The following HIPK1 variants were observed in gnomAD, a reference collection of about 807,000 sequenced individuals.
HIPK1 encodes homeodomain interacting protein kinase 1.
A neutral mutation model predicts 117.1 loss-of-function variants in HIPK1; 28 were observed. The ratio of observed to expected loss-of-function variants is 0.24; its 90% confidence interval spans 0.18 to 0.33. HIPK1 has a LOEUF of 0.33. Ranked by LOEUF, HIPK1 falls within the 10% of genes least tolerant of loss-of-function variation. HIPK1 has a pLI of 1.00. For synonymous variants in HIPK1, 605 were observed against 562.5 expected, an observed-to-expected ratio of 1.08 and a Z score of -1.07; for missense variants, 1,122 against 1,475.1, an observed-to-expected ratio of 0.76 and a Z score of 3.92.
Position 113,935,653 on chromosome 1 carries a change from G to A in HIPK1, c.-2-4729G>A, listed in dbSNP as rs185181490. Among the ~76,000 whole-genome samples the A allele has an allele frequency of 7.7e-4, 117 of 152,256 alleles. 1 individual carries two copies. Among genetic ancestry groups the A allele is most frequent in the Middle Eastern group, 3.4e-3 (1 of 294 alleles). On this transcript the variant is annotated intron_variant, in intron 1 of 15. Coordinates refer to ENST00000426820, the MANE Select transcript of HIPK1 (RefSeq NM_198268.3). ...TTATACTCCCATCAGCAGTATAAGTGTTCCCTTTTCTTCACAACCTTGCCA... is the reference window on the plus strand; with the variant it reads ...TTATACTCCCATCAGCAGTATAAGTATTCCCTTTTCTTCACAACCTTGCCA...
At position 113,976,639 on chromosome 1, in the gene HIPK1, T is replaced by C. The variant is rs779735062; in HGVS notation, c.*3127T>C. ...TTAGTCTGCAAACTGGCATTTCCGA[T>C]TTTCCAGCATAAAAATCCACCTGTG... On this transcript the variant is annotated 3_prime_UTR_variant, in exon 16 of 16. Coordinates refer to ENST00000426820, the MANE Select transcript of HIPK1 (RefSeq NM_198268.3). The C allele has an allele frequency of 6.5e-6, 1 of 152,802 alleles. No individual in the cohort carries two copies. Among genetic ancestry groups the C allele is most frequent in the Non-Finnish European group, 1.5e-5 (1 of 68,068 alleles). 9.5% of individuals were successfully genotyped at this position (152,802 alleles called of 1,614,324 possible).
At chr1:113,969,646 A>G (rs1272413874) in intron 13 of HIPK1, among the ~76,000 whole-genome samples, 5 of 152,230 alleles carry the variant, frequency 3.3e-5, no homozygotes, top group Non-Finnish European at 7.3e-5. Context: ...ATGGTGGCTC[A>G]TGCCTGCAAT....
chr1:113,940,208 T>C (rs982919168), intron 1 of HIPK1, among the ~76,000 whole-genome samples, 174 bp from the exon 2 acceptor site: 11 of 152,224 alleles, frequency 7.2e-5, no homozygotes, highest in Non-Finnish European at 1.3e-4. Context: ...GCACGTTCTG[T>C]ACACTGTTTC....
intron 1 of HIPK1, among the ~76,000 whole-genome samples, chr1:113,939,214 G>C (rs1670477360): frequency 6.6e-6 from 1 of 151,808 alleles, no homozygotes; most frequent in South Asian, 2.1e-4. Flanking sequence ...GAGTGCAGTG[G>C]CACGATCACA....
chr1:113,952,856 G>A lies in HIPK1; in HGVS notation c.1167G>A (p.Trp389Ter). Residue 389 changes from tryptophan to a stop codon, truncating the protein, a stop_gained, in exon 3 of 16, where the codon TGG becomes TGA. Transcript: ENST00000426820. LOFTEE classifies it high-confidence loss of function. Reference protein sequence around the residue: ...GCVIAELFLGWPLYPGASEYD... With the variant: ...GCVIAELFLG ...TGATAGCTGAGCTGTTCCTGGGATG[G>A]CCTCTTTATCCTGGTGCTTCAGAAT... The A allele has an allele frequency of 6.5e-7, 1 of 1,544,158 alleles. No individual in the cohort carries two copies.
intron 11 of HIPK1, among the ~76,000 whole-genome samples, chr1:113,966,717 A>G (rs1356796522): frequency 6.6e-6 from 1 of 152,188 alleles, no homozygotes; most frequent in Non-Finnish European, 1.5e-5. Flanking sequence ...CATCCCCTCA[A>G]GCATTTATCC....
chr1:113,957,766 C>G (rs1384989097), intron 7 of HIPK1, among the ~76,000 whole-genome samples: 1 of 151,884 alleles, frequency 6.6e-6, no homozygotes, highest in Non-Finnish European at 1.5e-5. Flanking sequence ...ATGGAAGAGC[C>G]TATGAGATTT....
rs1428929476 is a variant in HIPK1 at position 113,958,186 on chromosome 1, G to C, written c.1876G>C (p.Gly626Arg). The change falls in exon 8 of 16, where the codon GGA becomes CGA. Residue 626 changes from glycine (G) to arginine (R), a missense_variant. Transcript: ENST00000426820. ...CCCATCATCTGCTGCACCAGTTCCT[G>C]GAGTTGCCCAGCAGGGTGTTTCCTT... ...LYPSSAAPVP[G>R]VAQQGVSLQP... The C allele has an allele frequency of 1.2e-6, 2 of 1,614,006 alleles. No homozygotes were observed. Among genetic ancestry groups the C allele is most frequent in the Non-Finnish European group, 1.7e-6 (2 of 1,180,020 alleles).
At position 113,940,624 on chromosome 1, in the gene HIPK1, G is replaced by T; in HGVS notation, c.241G>T (p.Val81Leu). Residue 81 changes from valine (V) to leucine (L), a missense_variant, in exon 2 of 16, where the codon GTG becomes TTG. This residue lies in a region of HIPK1 where 192 missense variants were observed against 234.0 expected (regional missense o/e 0.82). Transcript: ENST00000426820. ...DQGLLLPAPA[V>L]EHIVVTAADS... is the part of the protein sequence containing the mutation. The stretch of plus-strand genomic sequence containing the variant: ...GGGCCTCCTCCTCCCAGCTCCTGCA[G>T]TGGAGCATATTGTTGTAACAGCCGC... 6.2e-7 allele frequency: 1 copy of T among 1,614,214 alleles called. No homozygotes were observed. Among genetic ancestry groups the T allele is most frequent in the Admixed American group, 1.7e-5 (1 of 60,026 alleles).
At chr1:113,933,935 G>A (rs1319889406) in intron 1 of HIPK1, among the ~76,000 whole-genome samples, 1 of 152,136 alleles carries the variant, frequency 6.6e-6, no homozygotes, top group Non-Finnish European at 1.5e-5. Context: ...TGTGCAGTAG[G>A]GGTGGAGAAA....
Position 113,967,945 on chromosome 1 carries a change from C to G in HIPK1, c.2561C>G (p.Ser854Cys), listed in dbSNP as rs1434112277. Residue 854 changes from serine to cysteine, a missense_variant, in exon 12 of 16, where the codon TCC becomes TGC. By Grantham distance (112) the Ser-to-Cys change is moderately radical (BLOSUM62 -1). This residue lies in a region of HIPK1 where 731 missense variants were observed against 860.4 expected (regional missense o/e 0.85). Transcript: ENST00000426820. ...KKNKQSAPVS[S>C]KSSLDVLPSQ... ...AATAAGCAGTCAGCTCCAGTCTCTT[C>G]CAAGTGAGTCTGTGTTACAGCTGAT... 2 of 1,602,830 alleles carry G rather than the reference C, an allele frequency of 1.2e-6. No individual in the cohort carries two copies. The highest frequency in any genetic ancestry group is 3.6e-5 in the Admixed American group (2 of 55,562).
At chr1:113,968,406 G>T in intron 12 of HIPK1, 36 bp from the exon 13 acceptor site, 1 of 1,468,410 alleles carries the variant, frequency 6.8e-7, no homozygotes, top group South Asian at 1.1e-5. Context: ...GAAGGCCAAG[G>T]ACTGAATCAT....
intron 8 of HIPK1, among the ~76,000 whole-genome samples, chr1:113,960,481 C>T (rs1212747410): frequency 1.3e-5 from 2 of 152,124 alleles, no homozygotes; most frequent in Non-Finnish European, 2.9e-5. Context: ...TTAGTGGTAA[C>T]TATTATTCTG....
intron 1 of HIPK1, among the ~76,000 whole-genome samples, chr1:113,934,650 A>G (rs967260357): frequency 1.3e-5 from 2 of 152,060 alleles, no homozygotes; most frequent in East Asian, 1.9e-4. Context: ...CAGGAAGTCA[A>G]AAATAACTTT....
At chr1:113,944,159 GTTTTTTTTTTTTTTTTT>G (rs140161727) in intron 2 of HIPK1, among the ~76,000 whole-genome samples, 2 of 55,218 alleles carry the variant, frequency 3.6e-5, no homozygotes, top group African/African-American at 8.7e-5. Context: ...ATAGCCATGG[GTTTTTTTTTTTTTTTTT>G]TTTTTTTTTT....
chr1:113,966,303 G>C, intron 11 of HIPK1, 31 bp downstream of exon 11: 1 of 1,597,546 alleles, frequency 6.3e-7, no homozygotes, highest in East Asian at 2.3e-5. Context: ...TGGGAGATTT[G>C]TAAGGGCCGA....
rs781181907 is a variant in HIPK1 at position 113,973,079 on chromosome 1, C to G, written c.3200C>G (p.Pro1067Arg). 3 of 1,535,388 alleles carry G rather than the reference C, an allele frequency of 2.0e-6. No homozygotes were observed. Among genetic ancestry groups the G allele is most frequent in the Non-Finnish European group, 2.6e-6 (3 of 1,141,186 alleles). ...TSQERSSNPA[P>R]RRQQAFVAPL... ...CAGGAGAGAAGCAGCAACCCAGCCC[C>G]CCGCAGGCAGCAGGCGTTTGTGGCC... Residue 1067 changes from proline to arginine, a missense_variant, in exon 16 of 16, where the codon CCC becomes CGC. Physicochemically the swap from Pro to Arg is moderately radical, Grantham distance 103. Coordinates refer to ENST00000426820, the MANE Select transcript of HIPK1 (RefSeq NM_198268.3).
At chr1:113,957,718 G>A (rs549233132) in intron 7 of HIPK1, among the ~76,000 whole-genome samples, 2 of 152,300 alleles carry the variant, frequency 1.3e-5, no homozygotes, top group East Asian at 3.9e-4. Flanking sequence ...TTCTGAAGAT[G>A]TAAGCTTCCC....
chr1:113,960,919 A>G (rs1453881002), intron 8 of HIPK1, among the ~76,000 whole-genome samples: 2 of 152,218 alleles, frequency 1.3e-5, no homozygotes, highest in Non-Finnish European at 1.5e-5. Flanking sequence ...TGTTAGGTCT[A>G]TGAGTTATGC....
Sources: allele counts gnomAD v4.1 joint callset (sites outside exome capture counted in the v4.1 genomes callset), GRCh38; gene constraint gnomAD v4.1.1; regional missense constraint gnomAD v4.1.1; transcripts MANE v1.5; gene names NCBI Gene and HGNC (gene_info 2026-07-23, HGNC 2026-07-21).